The following CSNK2A2IP variants were observed in gnomAD, a reference collection of about 807,000 sequenced individuals.
CSNK2A2IP encodes casein kinase II subunit alpha'-interacting protein.
chr3:88,435,873 A>ATGTGCATTATATATATAATGCACATTATG, the CSNK2A2IP span, among the ~76,000 whole-genome samples: 253 of 142,904 alleles, frequency 1.8e-3, 2 homozygotes, highest in Middle Eastern at 3.8e-3. Context: ...ATAAATTTTA[A>ATGTGCATTATATATATAATGCACATTATG]TGTGCATTAT....
At chr3:88,436,147 A>T in the CSNK2A2IP span, among the ~76,000 whole-genome samples, 1 of 152,052 alleles carries the variant, frequency 6.6e-6, no homozygotes, top group Non-Finnish European at 1.5e-5. Context: ...TCAAATTAAC[A>T]AGGTGAAATA....
At chr3:88,341,909 CT>C in the CSNK2A2IP span, among the ~76,000 whole-genome samples, 1 of 151,746 alleles carries the variant, frequency 6.6e-6, no homozygotes, top group South Asian at 2.1e-4. Flanking sequence ...TGTGTTTTTA[CT>C]TAGTGTTTTG....
chr3:88,410,744 G>A, the CSNK2A2IP span, among the ~76,000 whole-genome samples: 1 of 151,860 alleles, frequency 6.6e-6, no homozygotes, highest in Admixed American at 6.6e-5. Flanking sequence ...TTGCTCTAAT[G>A]ACAAGAAATC....
chr3:88,349,493 C>A, the CSNK2A2IP span, among the ~76,000 whole-genome samples: 2 of 152,010 alleles, frequency 1.3e-5, no homozygotes, highest in Admixed American at 1.3e-4. Context: ...GAATAATATT[C>A]TATGGTGTAT....
chr3:88,432,957 C>T, the CSNK2A2IP span, among the ~76,000 whole-genome samples: 2 of 151,660 alleles, frequency 1.3e-5, no homozygotes, highest in Non-Finnish European at 2.9e-5. Flanking sequence ...TTGATTAGTG[C>T]TAATACCTGG....
chr3:88,423,776 A>G, the CSNK2A2IP span, among the ~76,000 whole-genome samples: 1 of 151,788 alleles, frequency 6.6e-6, no homozygotes, highest in African/African-American at 2.4e-5. Context: ...GTTCTTCCAG[A>G]ATGTAGAAGA....
At chr3:88,421,018 G>C in the CSNK2A2IP span, among the ~76,000 whole-genome samples, 1 of 152,210 alleles carries the variant, frequency 6.6e-6, no homozygotes, top group South Asian at 2.1e-4. Flanking sequence ...AATTCATGCA[G>C]GATATATTTA....
the CSNK2A2IP span, among the ~76,000 whole-genome samples, chr3:88,361,602 T>C: frequency 3.9e-5 from 6 of 152,174 alleles, no homozygotes; most frequent in Non-Finnish European, 2.9e-5. Context: ...GGTAGTCTTA[T>C]TTGAGTCAAA....
At chr3:88,395,281 T>A in the CSNK2A2IP span, among the ~76,000 whole-genome samples, 1 of 152,324 alleles carries the variant, frequency 6.6e-6, no homozygotes, top group South Asian at 2.1e-4. Context: ...ATTTCTCCTT[T>A]TTTTCTAAAA....
chr3:88,421,032 C>A, the CSNK2A2IP span, among the ~76,000 whole-genome samples: 2 of 151,968 alleles, frequency 1.3e-5, no homozygotes, highest in Non-Finnish European at 2.9e-5. Flanking sequence ...ATATTTAGAA[C>A]CTTTCTCATT....
the CSNK2A2IP span, among the ~76,000 whole-genome samples, chr3:88,391,860 A>G: frequency 2.0e-5 from 3 of 152,302 alleles, no homozygotes; most frequent in East Asian, 1.9e-4. Context: ...CAAGAGTAAC[A>G]TGATCATATA....
the CSNK2A2IP span, among the ~76,000 whole-genome samples, chr3:88,415,867 A>G: frequency 6.6e-6 from 1 of 151,978 alleles, no homozygotes; most frequent in South Asian, 2.1e-4. Context: ...AGAGTATAAC[A>G]TTTCTCCATT....
the CSNK2A2IP span, among the ~76,000 whole-genome samples, chr3:88,385,647 G>C: frequency 6.6e-6 from 1 of 152,084 alleles, no homozygotes; most frequent in Non-Finnish European, 1.5e-5. Flanking sequence ...AAAATAAAAA[G>C]AAAGGGAGAA....
chr3:88,379,738 C>G, the CSNK2A2IP span, among the ~76,000 whole-genome samples: 111 of 152,168 alleles, frequency 7.3e-4, 1 homozygote, highest in Admixed American at 3.1e-3. Flanking sequence ...TAGGGCAGGT[C>G]CTGGCATTGT....
the CSNK2A2IP span, among the ~76,000 whole-genome samples, chr3:88,389,302 A>G: frequency 1.3e-5 from 2 of 151,984 alleles, no homozygotes; most frequent in Non-Finnish European, 2.9e-5. Context: ...AGGTATTACA[A>G]TGCTTCATCA....
chr3:88,463,750 C>T, the CSNK2A2IP span, among the ~76,000 whole-genome samples: 1 of 152,150 alleles, frequency 6.6e-6, no homozygotes. Context: ...GTGGTGATTC[C>T]TCAGGGATCT....
the CSNK2A2IP span, among the ~76,000 whole-genome samples, chr3:88,387,173 T>C: frequency 6.6e-6 from 1 of 151,576 alleles, no homozygotes; most frequent in East Asian, 1.9e-4. Flanking sequence ...CTTTTTTTTT[T>C]TTTTTTTGAG....
the CSNK2A2IP span, among the ~76,000 whole-genome samples, chr3:88,383,830 A>T: frequency 2.0e-5 from 3 of 151,380 alleles, no homozygotes; most frequent in Non-Finnish European, 4.4e-5. Context: ...CGCCCCGCTA[A>T]TTTTTTTGTA....
chr3:88,342,722 C>A, the CSNK2A2IP span, among the ~76,000 whole-genome samples: 398 of 149,004 alleles, frequency 2.7e-3, 1 homozygote, highest in African/African-American at 9.4e-3. Flanking sequence ...AAAAAAAAAA[C>A]CCAAAATGCA....
Sources: allele counts gnomAD v4.1 joint callset (sites outside exome capture counted in the v4.1 genomes callset), GRCh38; gene constraint gnomAD v4.1.1; transcripts MANE v1.5; gene names NCBI Gene and HGNC (gene_info 2026-07-23, HGNC 2026-07-21).